SCN8A: variants seen among roughly 807,000 people sequenced by gnomAD.
The protein encoded by SCN8A is sodium channel protein type 8 subunit alpha.
A neutral mutation model predicts 184.1 loss-of-function variants in SCN8A; 30 were observed. That is an observed-to-expected ratio of 0.16 (90% CI 0.12 to 0.22). The LOEUF is 0.22. Among genes scored for constraint, SCN8A ranks in the 10% least tolerant of loss-of-function variants. The probability of loss-of-function intolerance (pLI) is 1.00; values close to 1 mark genes in which losing one functional copy is unlikely to be tolerated. For synonymous variants in SCN8A, 852 were observed against 907.0 expected (o/e 0.94, Z 1.09); for missense variants, 1,057 against 2,498.9 (o/e 0.42, Z 12.30).
chr12:51,595,108 C>T (rs773498586), intron 1 of SCN8A, among the ~76,000 whole-genome samples: 15 of 152,256 alleles, frequency 9.9e-5, no homozygotes, highest in South Asian at 2.1e-4. Flanking sequence ...TCACTCTGCA[C>T]CTACTATATA....
chr12:51,692,379 A>C (rs564627114), intron 6 of SCN8A, among the ~76,000 whole-genome samples: 2 of 152,228 alleles, frequency 1.3e-5, no homozygotes, highest in Non-Finnish European at 2.9e-5. Flanking sequence ...AGTAAGGTGC[A>C]TCAGTTAGCT....
Position 51,662,764 on chromosome 12 carries a change from A to C in SCN8A, c.-54A>C. The C allele has an allele frequency of 6.3e-7, 1 of 1,575,936 alleles. No individual in the cohort carries two copies. The highest frequency in any genetic ancestry group is 8.6e-7 in the Non-Finnish European group (1 of 1,157,670). On this transcript the variant is annotated splice_region_variant and 5_prime_UTR_variant, in exon 2 of 27. Transcript: ENST00000627620. ...CTGTCTGTGTTGCTGTTTCTTCCAGAGCTGACCTGTCCTGGACGCAGCATA... is the reference window on the plus strand; with the variant it reads ...CTGTCTGTGTTGCTGTTTCTTCCAGCGCTGACCTGTCCTGGACGCAGCATA...
chr12:51,710,021 G>A (rs765779580), intron 11 of SCN8A, among the ~76,000 whole-genome samples: 4 of 151,938 alleles, frequency 2.6e-5, no homozygotes, highest in Non-Finnish European at 4.4e-5. Context: ...TACAAAAAAT[G>A]AATTAATTTT....
At position 51,802,382 on chromosome 12, in the gene SCN8A, C is replaced by A. The variant is rs976615037; in HGVS notation, c.4796-3900C>A. 2.7e-5 allele frequency among the ~76,000 whole-genome samples: 4 copies of A among 150,012 alleles called. No individual in the cohort carries two copies. The East Asian group carries it at 5.8e-4, about 22-fold the overall frequency. On this transcript the variant is annotated intron_variant, in intron 26 of 26. Transcript: ENST00000627620. ...CTGTCAGAGTTTACAAGCTCAGTGT[C>A]CCCAGCTTCATCAGGGTCCTCCCAC...
At chr12:51,634,073 A>G (rs1190638091) in intron 1 of SCN8A, among the ~76,000 whole-genome samples, 3 of 152,242 alleles carry the variant, frequency 2.0e-5, no homozygotes, top group African/African-American at 7.2e-5. Context: ...AGGAGAGTGG[A>G]TAAATTATCT....
At position 51,751,515 on chromosome 12, in the gene SCN8A, C is replaced by T. The variant is rs745467111; in HGVS notation, c.2292C>T (p.Val764=). 4 of 1,613,928 alleles carry T rather than the reference C, an allele frequency of 2.5e-6. No homozygotes were observed. Among genetic ancestry groups the T allele is most frequent in the Middle Eastern group, 1.6e-4 (1 of 6,062 alleles). Residue 764 remains valine, a synonymous_variant, in exon 14 of 27, where the codon GTC becomes GTT. Transcript: ENST00000627620. ...FVDLAITICI[V]LNTLFMAMEH... is the part of the protein sequence containing the mutation. ...ATTTAGCCATCACCATCTGCATCGT[C>T]CTGAATACACTGTTTATGGCAATGG...
At chr12:51,663,791 G>A (rs1016589184) in intron 2 of SCN8A, among the ~76,000 whole-genome samples, 26 of 151,740 alleles carry the variant, frequency 1.7e-4, no homozygotes, top group African/African-American at 6.1e-4. Context: ...ATTATCTTCT[G>A]AAACAAGGCA....
intron 12 of SCN8A, among the ~76,000 whole-genome samples, chr12:51,743,932 G>T (rs1942467568): frequency 6.6e-6 from 1 of 152,136 alleles, no homozygotes; most frequent in Non-Finnish European, 1.5e-5. Flanking sequence ...CCATCAAGAG[G>T]ACAGGGACCA....
chr12:51,754,658 A>G (rs1051259925), intron 14 of SCN8A, among the ~76,000 whole-genome samples: 1 of 152,128 alleles, frequency 6.6e-6, no homozygotes, highest in Non-Finnish European at 1.5e-5. Context: ...TGTAGCTATC[A>G]TATCTCTCTA....
rs569796090 is a variant in SCN8A, at chr12:51,809,151, A to C, written c.*1722A>C. On this transcript the variant is annotated 3_prime_UTR_variant, in exon 27 of 27. Transcript: ENST00000627620. ...GAAGTGTGGCTTCTGGGGGAGCGTC[A>C]TATCTTCCATTCCATCTCCTGCTTT... 25 of 152,292 alleles carry C rather than the reference A, an allele frequency of 1.6e-4. No homozygotes were observed. Among genetic ancestry groups the C allele is most frequent in the Admixed American group, 6.5e-5 (1 of 15,294 alleles). The allele number at this position is 152,292 out of a possible 1,614,324, so 9.4% of individuals were successfully genotyped here.
chr12:51,799,969 T>C (rs1263044629), intron 26 of SCN8A, among the ~76,000 whole-genome samples: 1 of 152,238 alleles, frequency 6.6e-6, no homozygotes, highest in African/African-American at 2.4e-5. Flanking sequence ...GTAAGTCCAG[T>C]GTGTTTGCTA....
intron 5 of SCN8A, among the ~76,000 whole-genome samples, chr12:51,687,750 G>T (rs1941442586): frequency 6.6e-6 from 1 of 152,194 alleles, no homozygotes; most frequent in Non-Finnish European, 1.5e-5. Flanking sequence ...TATTGCTCAA[G>T]ATCAGTGTAA....
chr12:51,794,282 G>T, intron 25 of SCN8A, 89 bp from the exon 26 acceptor site: 2 of 1,311,966 alleles, frequency 1.5e-6, no homozygotes, highest in Middle Eastern at 1.9e-4. Context: ...GAGGGAGAGG[G>T]TACCTCGATT....
chr12:51,622,770 C>T (rs1293053128), intron 1 of SCN8A, among the ~76,000 whole-genome samples: 2 of 152,162 alleles, frequency 1.3e-5, no homozygotes, highest in African/African-American at 4.8e-5. Context: ...GTCCAGCCCA[C>T]GCTTGGGGGA....
chr12:51,767,785 T>C (rs376678103), intron 16 of SCN8A, among the ~76,000 whole-genome samples: 1 of 152,362 alleles, frequency 6.6e-6, no homozygotes, highest in African/African-American at 2.4e-5. Context: ...CAGACCCTTA[T>C]CAATTCATGC....
chr12:51,722,049 T>G (rs917504432), intron 12 of SCN8A, 141 bp downstream of exon 12: 3 of 1,337,682 alleles, frequency 2.2e-6, no homozygotes, highest in African/African-American at 2.9e-5. Flanking sequence ...TGGACCCCAC[T>G]CCTGTTAACA....
chr12:51,781,309 A>G (rs1250783525), intron 21 of SCN8A, among the ~76,000 whole-genome samples: 4 of 152,136 alleles, frequency 2.6e-5, no homozygotes, highest in Non-Finnish European at 5.9e-5. Flanking sequence ...TTTTCTTTCT[A>G]TTCAGATTCC....
intron 1 of SCN8A, among the ~76,000 whole-genome samples, chr12:51,615,567 GA>G (rs1008589089): frequency 8.0e-5 from 12 of 149,700 alleles, no homozygotes; most frequent in Non-Finnish European, 7.4e-5. Flanking sequence ...AAAAACAAAA[GA>G]AAAAAAAATG....
chr12:51,760,587 G>A (rs1942748038), intron 14 of SCN8A, among the ~76,000 whole-genome samples: 1 of 152,202 alleles, frequency 6.6e-6, no homozygotes, highest in Admixed American at 6.5e-5. Context: ...GTGTGTGTTA[G>A]GCAGGCTAGC....
Sources: gnomAD v4.1 joint callset for allele counts (sites outside exome capture counted in the v4.1 genomes callset) on GRCh38, gnomAD v4.1.1 for gene constraint, MANE v1.5 for transcripts, NCBI Gene and HGNC (gene_info 2026-07-23, HGNC 2026-07-21) for gene names.